The following NUDT19 variants were observed in gnomAD, a reference collection of about 807,000 sequenced individuals.
NUDT19 encodes the protein acyl-coenzyme A diphosphatase NUDT19.
A neutral mutation model predicts 22.2 loss-of-function variants in NUDT19; 31 were observed. That is an observed-to-expected ratio of 1.40 (90% CI 1.05 to 1.89). The LOEUF (loss-of-function observed/expected upper bound fraction) is 1.89. Among genes scored for constraint, NUDT19 ranks in the 40% most tolerant of loss-of-function variants. The pLI is 0.00. For missense variants in NUDT19, 752 were observed against 514.2 expected (o/e 1.46, Z -4.47); for synonymous variants, 325 against 230.8 (o/e 1.41, Z -3.70).
rs765398654 is a variant in NUDT19, at chr19:32,692,397, C to T, written c.437C>T (p.Ser146Phe). The change falls in exon 1 of 3, where the codon TCC (serine) becomes TTC (phenylalanine). Residue 146 changes from serine (S) to phenylalanine (F), a missense_variant. By Grantham distance (155) the Ser-to-Phe change is radical (BLOSUM62 -2). Coordinates refer to ENST00000397061, the MANE Select transcript of NUDT19 (RefSeq NM_001105570.2). ...AGVLLLRPRT[S>F]PPGPAPGPGL... is the part of the protein sequence containing the mutation. The stretch of plus-strand genomic sequence containing the variant: ...GTGCTGCTGCTGCGGCCCAGGACTT[C>T]CCCACCAGGCCCAGCACCCGGGCCT... The T allele has an allele frequency of 7.3e-5, 115 of 1,575,790 alleles. No individual in the cohort carries two copies. The highest frequency in any genetic ancestry group is 9.5e-5 in the Non-Finnish European group (111 of 1,169,014).
Position 32,692,154 on chromosome 19 carries a change from G to T in NUDT19, c.194G>T (p.Gly65Val). The T allele has an allele frequency of 6.6e-7, 1 of 1,510,290 alleles. No individual in the cohort carries two copies. The highest frequency in any genetic ancestry group is 2.6e-5 in the East Asian group (1 of 37,740). The allele number at this position is 1,510,290 out of a possible 1,614,324, so 93.6% of individuals were successfully genotyped here. The change falls in exon 1 of 3, where the codon GGA becomes GTA. Residue 65 changes from glycine (G) to valine (V), a missense_variant. Coordinates refer to ENST00000397061, the MANE Select transcript of NUDT19 (RefSeq NM_001105570.2). ...CCGGGCGCGCACGTCTTCTCCGGCGGAGTGCTGGATGCGGCCGACCGCTCG... is the reference window on the plus strand; with the variant it reads ...CCGGGCGCGCACGTCTTCTCCGGCGTAGTGCTGGATGCGGCCGACCGCTCG... ...FMPGAHVFSG[G>V]VLDAADRSAD...
intron 1 of NUDT19, among the ~76,000 whole-genome samples, chr19:32,705,951 A>G (rs1465660009): frequency 2.0e-5 from 3 of 152,084 alleles, no homozygotes; most frequent in African/African-American, 4.8e-5. Context: ...GTTCAACATG[A>G]TCTCTCCACT....
chr19:32,692,752 A>G, intron 1 of NUDT19, 78 bp downstream of exon 1: 3 of 1,173,100 alleles, frequency 2.6e-6, no homozygotes, highest in Admixed American at 3.4e-5. Context: ...CAGGCCCCCA[A>G]GGGACCCCCG....
At chr19:32,694,375 G>A (rs534924891) in intron 1 of NUDT19, among the ~76,000 whole-genome samples, 1 of 152,304 alleles carries the variant, frequency 6.6e-6, no homozygotes, top group African/African-American at 2.4e-5. Flanking sequence ...AGGCCTCGGG[G>A]GTTTTGGAGA....
chr19:32,699,246 A>G (rs1431034937), intron 1 of NUDT19, among the ~76,000 whole-genome samples: 2 of 152,194 alleles, frequency 1.3e-5, no homozygotes, highest in East Asian at 1.9e-4. Context: ...AGTGGTTTTT[A>G]GAAGTGGGAC....
rs1968191571 is a variant in NUDT19, at chr19:32,692,146, C to CT, written c.187dup (p.Ser63PhefsTer47). ...GCTTCATGCCGGGCGCGCACGTCTT[C>CT]TCCGGCGGAGTGCTGGATGCGGCCG... On this transcript the variant is annotated frameshift_variant, in exon 1 of 3. Coordinates refer to ENST00000397061, the MANE Select transcript of NUDT19 (RefSeq NM_001105570.2). LOFTEE classifies it high-confidence loss of function. 1.3e-6 allele frequency: 2 copies of CT among 1,501,624 alleles called. No individual in the cohort carries two copies. The highest frequency in any genetic ancestry group is 1.8e-6 in the Non-Finnish European group (2 of 1,134,720). 93.0% of individuals were successfully genotyped at this position (1,501,624 alleles called of 1,614,324 possible). A position where few individuals can be genotyped will look rare whatever the true frequency, so the allele number is the denominator to read the frequency against.
chr19:32,698,545 G>T (rs1266063954), intron 1 of NUDT19, among the ~76,000 whole-genome samples: 1 of 151,190 alleles, frequency 6.6e-6, no homozygotes, highest in South Asian at 2.1e-4. Flanking sequence ...ACCTGCAACA[G>T]TCCCCGGACC....
intron 1 of NUDT19, among the ~76,000 whole-genome samples, chr19:32,695,382 G>C (rs997014777): frequency 6.6e-6 from 1 of 152,156 alleles, no homozygotes; most frequent in Admixed American, 6.5e-5. Flanking sequence ...GTTTCACCAT[G>C]TTGGCCAAGT....
intron 2 of NUDT19, among the ~76,000 whole-genome samples, chr19:32,711,110 A>C (rs1435730812): frequency 6.6e-6 from 1 of 152,136 alleles, no homozygotes; most frequent in African/African-American, 2.4e-5. Context: ...CATACCAGTC[A>C]CAGATGTTTA....
At chr19:32,700,379 T>C (rs905701527) in intron 1 of NUDT19, among the ~76,000 whole-genome samples, 1 of 152,164 alleles carries the variant, frequency 6.6e-6, no homozygotes, top group Admixed American at 6.5e-5. Context: ...GATTGGTGCG[T>C]TTACAAACCT....
Position 32,692,656 on chromosome 19 carries a change from G to A in NUDT19, c.696G>A (p.Ala232=), listed in dbSNP as rs762126662. The change falls in exon 1 of 3, where the codon GCG becomes GCA. Residue 232 remains alanine, a synonymous_variant. Coordinates refer to ENST00000397061, the MANE Select transcript of NUDT19 (RefSeq NM_001105570.2). ...REPPPVYPDL[A]EVVGYQWSSP... ...CGCCGCCCGTCTACCCCGACTTGGC[G>A]GAGGTGGTGGGCTACCAGGTAAGGC... The A allele has an allele frequency of 9.9e-6, 15 of 1,512,422 alleles. No individual in the cohort carries two copies. Among genetic ancestry groups the A allele is most frequent in the East Asian group, 2.4e-5 (1 of 41,560 alleles). 93.7% of individuals were successfully genotyped at this position (1,512,422 alleles called of 1,614,324 possible). A position where few individuals can be genotyped will look rare whatever the true frequency, so the allele number is the denominator to read the frequency against.
chr19:32,693,505 G>A (rs1360729357), intron 1 of NUDT19, among the ~76,000 whole-genome samples: 1 of 152,234 alleles, frequency 6.6e-6, no homozygotes, highest in African/African-American at 2.4e-5. Flanking sequence ...ACCTCCCACA[G>A]CGGAAGGGGA....
intron 1 of NUDT19, among the ~76,000 whole-genome samples, chr19:32,699,798 GGTGA>G (rs1313042070): frequency 1.3e-5 from 2 of 152,178 alleles, no homozygotes; most frequent in African/African-American, 4.8e-5. Context: ...AGACCCTTGC[GGTGA>G]GTGTTACAGT....
At chr19:32,700,080 CAA>C (rs1968317495) in intron 1 of NUDT19, among the ~76,000 whole-genome samples, 1 of 152,218 alleles carries the variant, frequency 6.6e-6, no homozygotes, top group Non-Finnish European at 1.5e-5. Context: ...TGAGCAGCAG[CAA>C]GATTTATTGC....
At chr19:32,694,972 G>A (rs181033486) in intron 1 of NUDT19, among the ~76,000 whole-genome samples, 2 of 152,196 alleles carry the variant, frequency 1.3e-5, no homozygotes, top group East Asian at 3.9e-4. Flanking sequence ...TGTCCTGAAG[G>A]GGGTTCCTCC....
intron 1 of NUDT19, among the ~76,000 whole-genome samples, chr19:32,701,199 GTTT>G (rs3042685): frequency 0.23 from 22,768 of 99,712 alleles, 1,194 homozygotes; most frequent in Middle Eastern, 0.29. Flanking sequence ...CATCTTGCAG[GTTT>G]TTTTTTTTTT....
chr19:32,692,909 C>T (rs1024221731), intron 1 of NUDT19, among the ~76,000 whole-genome samples: 1 of 152,274 alleles, frequency 6.6e-6, no homozygotes, highest in East Asian at 1.9e-4. Context: ...CCTGTCTCTC[C>T]ACGTGGTTCC....
intron 1 of NUDT19, among the ~76,000 whole-genome samples, chr19:32,693,005 AG>A (rs1352719346): frequency 2.7e-5 from 4 of 150,776 alleles, no homozygotes; most frequent in Non-Finnish European, 4.4e-5. Context: ...CTTGGAGAAC[AG>A]ACTTAATATG....
chr19:32,700,769 C>T (rs1968326616), intron 1 of NUDT19, among the ~76,000 whole-genome samples: 1 of 152,044 alleles, frequency 6.6e-6, no homozygotes, highest in African/African-American at 2.4e-5. Flanking sequence ...AGTACAGTGA[C>T]TGATACCTAT....
Sources: gnomAD v4.1 joint callset for allele counts (sites outside exome capture counted in the v4.1 genomes callset) on GRCh38, gnomAD v4.1.1 for gene constraint, MANE v1.5 for transcripts, NCBI Gene and HGNC (gene_info 2026-07-23, HGNC 2026-07-21) for gene names.